SDCCAG8: variants seen among roughly 807,000 people sequenced by gnomAD.
The protein encoded by SDCCAG8 is serologically defined colon cancer antigen 8.
SDCCAG8 carries 74 observed loss-of-function variants against 101.8 expected under a neutral mutation model. The observed-to-expected ratio is 0.73, with a 90% CI of 0.60 to 0.88. The LOEUF (loss-of-function observed/expected upper bound fraction) is 0.88. Among genes scored for constraint, SDCCAG8 ranks in the 40% least tolerant of loss-of-function variants. SDCCAG8 has a pLI of 0.00. For synonymous variants in SDCCAG8, 281 were observed against 292.9 expected, an observed-to-expected ratio of 0.96 and a Z score of 0.41; for missense variants, 787 against 822.6, an observed-to-expected ratio of 0.96 and a Z score of 0.53.
chr1:243,278,273 T>G (rs1342824009), intron 4 of SDCCAG8, among the ~76,000 whole-genome samples: 1 of 152,198 alleles, frequency 6.6e-6, no homozygotes, highest in East Asian at 1.9e-4. Flanking sequence ...CAGGCTGGAG[T>G]GCAATGTTGC....
chr1:243,349,265 A>G (rs896811872), intron 12 of SDCCAG8, among the ~76,000 whole-genome samples: 1 of 152,336 alleles, frequency 6.6e-6, no homozygotes, highest in Admixed American at 6.5e-5. Flanking sequence ...CAGTATTCAT[A>G]AAAAAGTGTT....
intron 13 of SDCCAG8, among the ~76,000 whole-genome samples, chr1:243,404,308 C>T (rs2079607033): frequency 6.6e-6 from 1 of 152,134 alleles, no homozygotes; most frequent in Non-Finnish European, 1.5e-5. Flanking sequence ...GAAAGGGCCG[C>T]TCTGTAGCTA....
chr1:243,368,080 G>T (rs146432850), intron 12 of SDCCAG8, among the ~76,000 whole-genome samples: 2 of 151,926 alleles, frequency 1.3e-5, no homozygotes, highest in Admixed American at 6.6e-5. Context: ...GCCTGGCATG[G>T]TGACACAGAC....
chr1:243,260,455 G>A (rs2067117395), intron 1 of SDCCAG8, among the ~76,000 whole-genome samples: 1 of 152,106 alleles, frequency 6.6e-6, no homozygotes, highest in African/African-American at 2.4e-5. Flanking sequence ...AAAGCCAAGA[G>A]GTATGAAATG....
At chr1:243,480,639 GTGAT>G (rs1212535622) in intron 16 of SDCCAG8, among the ~76,000 whole-genome samples, 2 of 55,508 alleles carry the variant, frequency 3.6e-5, no homozygotes, top group Non-Finnish European at 7.1e-5. Context: ...ATGGATGGGT[GTGAT>G]GGATGGATGG....
chr1:243,343,478 T>C (rs1020559073), intron 11 of SDCCAG8, among the ~76,000 whole-genome samples: 2 of 152,244 alleles, frequency 1.3e-5, no homozygotes, highest in African/African-American at 2.4e-5. Flanking sequence ...GTGTTAAGTA[T>C]AGAGGATGAT....
intron 16 of SDCCAG8, among the ~76,000 whole-genome samples, chr1:243,448,241 T>C (rs1413297951): frequency 6.6e-6 from 1 of 152,190 alleles, no homozygotes; most frequent in Non-Finnish European, 1.5e-5. Flanking sequence ...GGCTTGGTTA[T>C]GTCCATTACT....
intron 12 of SDCCAG8, among the ~76,000 whole-genome samples, chr1:243,368,086 C>T (rs1404213181): frequency 6.6e-6 from 1 of 151,734 alleles, no homozygotes; most frequent in Non-Finnish European, 1.5e-5. Context: ...CATGGTGACA[C>T]AGACGTGTAG....
intron 4 of SDCCAG8, among the ~76,000 whole-genome samples, chr1:243,284,429 G>T (rs1313410704): frequency 6.6e-6 from 1 of 152,222 alleles, no homozygotes; most frequent in Non-Finnish European, 1.5e-5. Context: ...GGGAGCCATA[G>T]TGATGTGGTC....
In SDCCAG8 at chr1:243,426,449, C is replaced by A. The variant is rs776293737; in HGVS notation, c.1876C>A (p.Gln626Lys). Reference sequence around the variant, plus strand: ...TAGATCTGAAATAGCTCAACTCAGTCAAGAAAAAAGGTATACATATGATAA... The same window carrying A: ...TAGATCTGAAATAGCTCAACTCAGTAAAGAAAAAAGGTATACATATGATAA... Reference protein sequence around the residue: ...KTRSEIAQLSQEKRYTYDKLG... With the variant: ...KTRSEIAQLSKEKRYTYDKLG... The change falls in exon 16 of 18, where the codon CAA becomes AAA. Residue 626 changes from glutamine (Q) to lysine (K), a missense_variant. Physicochemically the swap from Gln to Lys is moderately conservative, Grantham distance 53 (BLOSUM62 1). Transcript: ENST00000366541. The A allele has an allele frequency of 3.0e-5, 49 of 1,613,166 alleles. No individual in the cohort carries two copies. Among genetic ancestry groups the A allele is most frequent in the Non-Finnish European group, 3.8e-5 (45 of 1,179,528 alleles).
intron 5 of SDCCAG8, 88 bp from the exon 6 acceptor site, chr1:243,293,003 A>G (rs2070423885): frequency 2.0e-6 from 3 of 1,465,868 alleles, no homozygotes; most frequent in East Asian, 4.6e-5. Flanking sequence ...TCTTTTCATC[A>G]TAGGTAAGAA....
Position 243,444,384 on chromosome 1 carries a change from T to A in SDCCAG8, c.1985+17826T>A, listed in dbSNP as rs781428397. 2.1e-3 allele frequency among the ~76,000 whole-genome samples: 321 copies of A among 152,100 alleles called. 5 individuals are homozygous for A. Among genetic ancestry groups the A allele is most frequent in the Middle Eastern group, 0.01 (3 of 294 alleles). Reference sequence around the variant, plus strand: ...TTGTTTGTTTGTTTGTTTTGTTTTTTTTTTTGGGATGGAGTCTCGCTCTGT... The same window carrying A: ...TTGTTTGTTTGTTTGTTTTGTTTTTATTTTTGGGATGGAGTCTCGCTCTGT... On this transcript the variant is annotated intron_variant, in intron 16 of 17. Coordinates refer to ENST00000366541, the MANE Select transcript of SDCCAG8 (RefSeq NM_006642.5).
intron 6 of SDCCAG8, among the ~76,000 whole-genome samples, chr1:243,294,744 G>A (rs138641062): frequency 1.9e-4 from 25 of 132,480 alleles, no homozygotes; most frequent in African/African-American, 5.7e-4. Context: ...TTCCCAAAGC[G>A]TCAAAAACAA....
chr1:243,447,382 G>T (rs2083005833), intron 16 of SDCCAG8, among the ~76,000 whole-genome samples: 1 of 151,878 alleles, frequency 6.6e-6, no homozygotes, highest in African/African-American at 2.4e-5. Context: ...TCTAAATTGG[G>T]TGAATATAAT....
chr1:243,397,608 G>A (rs1337450736), intron 13 of SDCCAG8, among the ~76,000 whole-genome samples: 1 of 56,094 alleles, frequency 1.8e-5, no homozygotes, highest in Non-Finnish European at 5.9e-5. Flanking sequence ...AATAGATGCC[G>A]TTGGTTGCTT....
chr1:243,492,452 C>A lies in SDCCAG8; in HGVS notation c.2112+3312C>A, dbSNP rs199656337. Among the ~76,000 whole-genome samples, 8 of 151,706 alleles carry A rather than the reference C, an allele frequency of 5.3e-5. No homozygotes were observed. In the East Asian group the frequency reaches 1.6e-3, roughly 29 times the overall value. On this transcript the variant is annotated intron_variant, in intron 17 of 17. Coordinates refer to ENST00000366541, the MANE Select transcript of SDCCAG8 (RefSeq NM_006642.5). ...AAGTAGCTGGGATTACAGGCACCCA[C>A]CACCACACCTAGCTAATTTTTTTGT...
At position 243,256,058 on chromosome 1, in the gene SDCCAG8, G is replaced by C. The variant is rs1256734017; in HGVS notation, c.-116G>C. 4.2e-6 allele frequency: 4 copies of C among 959,792 alleles called. No homozygotes were observed. The East Asian group carries it at 7.1e-5, about 17-fold the overall frequency. 59.5% of individuals were successfully genotyped at this position (959,792 alleles called of 1,614,324 possible). A position where few individuals can be genotyped will look rare whatever the true frequency, so the allele number is the denominator to read the frequency against. On this transcript the variant is annotated 5_prime_UTR_variant, in exon 1 of 18. Coordinates refer to ENST00000366541, the MANE Select transcript of SDCCAG8 (RefSeq NM_006642.5). ...TGTGCGGGATTCTAGGCTCCCCTGT[G>C]ACAGCCGCGGCAGGAAGCAGGCGGG...
intron 1 of SDCCAG8, among the ~76,000 whole-genome samples, chr1:243,266,786 A>AAAAAAG (rs1469315424): frequency 1.5e-5 from 2 of 137,112 alleles, no homozygotes; most frequent in Admixed American, 7.0e-5. Context: ...CAAAAAAAAA[A>AAAAAAG]AAAGAAATTA....
intron 4 of SDCCAG8, among the ~76,000 whole-genome samples, chr1:243,275,187 C>T (rs896084576): frequency 5.3e-5 from 8 of 152,186 alleles, no homozygotes; most frequent in African/African-American, 1.9e-4. Flanking sequence ...AGGTTATATG[C>T]TCAACTGCGT....
Sources: allele counts gnomAD v4.1 joint callset (sites outside exome capture counted in the v4.1 genomes callset), GRCh38; gene constraint gnomAD v4.1.1; transcripts MANE v1.5; gene names NCBI Gene and HGNC (gene_info 2026-07-23, HGNC 2026-07-21).